Variants in NLRP1 observed in about 807,000 individuals in gnomAD.
NLRP1 encodes NACHT, LRR and PYD domains-containing protein 1.
In NLRP1, 94 loss-of-function variants were observed where a neutral mutation model predicts 136.7. The observed-to-expected ratio is 0.69, with a 90% CI of 0.58 to 0.82. The LOEUF (loss-of-function observed/expected upper bound fraction) is 0.82. NLRP1 is among the 40% of genes least tolerant of loss of function. The pLI, the probability that NLRP1 is intolerant of heterozygous loss-of-function variation, is 0.00. For missense variants in NLRP1, 1,575 were observed against 1,802.7 expected (o/e 0.87, Z 2.29); for synonymous variants, 690 against 725.1 (o/e 0.95, Z 0.78).
chr17:5,560,066 G>T, intron 3 of NLRP1, 23 bp from the exon 4 acceptor site: 1 of 1,526,276 alleles, frequency 6.6e-7, no homozygotes, highest in South Asian at 1.3e-5. Context: ...GGGAAAGAAG[G>T]AACATAAAGG....
Position 5,537,022 on chromosome 17 carries a change from G to A in NLRP1, c.2871-82C>T. The A allele has an allele frequency of 1.0e-6, 1 of 986,534 alleles. No individual in the cohort carries two copies. The highest frequency in any genetic ancestry group is 1.6e-6 in the Non-Finnish European group (1 of 618,148). The allele number at this position is 986,534 out of a possible 1,614,324, so 61.1% of individuals were successfully genotyped here. On this transcript the variant is annotated intron_variant, in intron 7 of 16. Coordinates refer to ENST00000572272, the MANE Select transcript of NLRP1 (RefSeq NM_033004.4). The surrounding 1 kb of genome is among the most constrained non-coding windows in gnomAD (Gnocchi z 4.5). ...CCCAGGGCCCAGAATCCTGGGACCT[G>A]TCACCTTCTGAGGCAGCGGCCGCAG... is the stretch of plus-strand genomic sequence containing the variant.
intron 4 of NLRP1, among the ~76,000 whole-genome samples, chr17:5,557,436 C>T (rs1914218632): frequency 6.6e-6 from 1 of 152,170 alleles, no homozygotes; most frequent in South Asian, 2.1e-4. Flanking sequence ...CGTGTGATCA[C>T]TCCCTTCCTT....
chr17:5,536,665 A>G (rs1306611247), intron 8 of NLRP1, among the ~76,000 whole-genome samples, 186 bp downstream of exon 8: 3 of 151,854 alleles, frequency 2.0e-5, no homozygotes, highest in African/African-American at 2.4e-5. Context: ...TTGTTTGTCT[A>G]ACGTTAAGAG....
At chr17:5,529,994 G>C (rs1910038569) in intron 12 of NLRP1, 1 of 456,632 alleles carries the variant, frequency 2.2e-6, no homozygotes, top group South Asian at 1.5e-5. Context: ...ATCTTCTATG[G>C]GAAGCCCCTG....
intron 8 of NLRP1, among the ~76,000 whole-genome samples, chr17:5,534,655 T>C (rs1208336181): frequency 6.6e-6 from 1 of 152,190 alleles, no homozygotes; most frequent in Non-Finnish European, 1.5e-5. Context: ...CTGAAAGGTC[T>C]CCCTGCTTCT....
rs1911283933 is a variant in NLRP1, at chr17:5,537,807, A to G, written c.2871-867T>C. Among the ~76,000 whole-genome samples, 1 of 152,194 alleles carries G rather than the reference A, an allele frequency of 6.6e-6. No homozygotes were observed. The highest frequency in any genetic ancestry group is 1.5e-5 in the Non-Finnish European group (1 of 68,024). ...CCCTCAGAAGCAGCCCAGGTTTGAC[A>G]GGTAAGTGTTGAGCTGGGGCCTGAA... On this transcript the variant is annotated intron_variant, in intron 7 of 16. Coordinates refer to ENST00000572272, the MANE Select transcript of NLRP1 (RefSeq NM_033004.4). This position sits in a 1 kb window ranked among gnomAD's most constrained non-coding sequence, Gnocchi z 4.5.
chr17:5,513,740 G>C (rs1035027822), downstream of NLRP1, among the ~76,000 whole-genome samples: 1 of 152,112 alleles, frequency 6.6e-6, no homozygotes, highest in African/African-American at 2.4e-5. Flanking sequence ...TCTGAGGTGG[G>C]GATAAGATAG....
At chr17:5,544,342 C>T (rs904614613) in intron 5 of NLRP1, among the ~76,000 whole-genome samples, 1 of 152,154 alleles carries the variant, frequency 6.6e-6, no homozygotes, top group Admixed American at 6.5e-5. Context: ...GGGCAAATCT[C>T]CCCCACCACT....
intron 3 of NLRP1, among the ~76,000 whole-genome samples, chr17:5,571,445 G>GTA (rs929459501): frequency 6.6e-6 from 1 of 152,140 alleles, no homozygotes; most frequent in Non-Finnish European, 1.5e-5. Flanking sequence ...CTATTGGGTA[G>GTA]TAAGTATTAT....
chr17:5,543,289 T>A (rs12946897), intron 5 of NLRP1, among the ~76,000 whole-genome samples: 7,182 of 151,874 alleles, frequency 0.047, 197 homozygotes, highest in Middle Eastern at 0.085. Flanking sequence ...CAAGGCAGGG[T>A]GGAAACGGTG....
rs530348236 is a variant in NLRP1, at chr17:5,562,161, C to G, written c.653-2118G>C. Among the ~76,000 whole-genome samples, 8 of 152,380 alleles carry G rather than the reference C, an allele frequency of 5.3e-5. No individual in the cohort carries two copies. In the South Asian group the frequency reaches 1.0e-3, roughly 20 times the overall value. ...ACACCTGCTAGAGCTTCCAGCCCAG[C>G]AGTCCCGCTACTCTGTGGGTGGGTG... On this transcript the variant is annotated intron_variant, in intron 3 of 16. Transcript: ENST00000572272.
At chr17:5,539,612 G>A in intron 6 of NLRP1, 27 bp from the exon 7 acceptor site, 2 of 1,578,848 alleles carry the variant, frequency 1.3e-6, no homozygotes, top group Non-Finnish European at 1.7e-6. Flanking sequence ...CGCCAGCCCA[G>A]GTCATTGTCC....
At chr17:5,572,711 G>GAAAAAAAAAA (rs35389652) in intron 3 of NLRP1, among the ~76,000 whole-genome samples, 2 of 113,760 alleles carry the variant, frequency 1.8e-5, no homozygotes, top group Non-Finnish European at 1.8e-5. Context: ...CTTTGTCTCA[G>GAAAAAAAAAA]AAAAAAAAAA....
In NLRP1 at chr17:5,541,754, C is replaced by A; in HGVS notation, c.2699+103G>T. ...GCTGAGATCCTGTAGGCTCCTCCCACTCCCACAAAGCAGGTCTCACCTTCT... is the reference window on the plus strand; with the variant it reads ...GCTGAGATCCTGTAGGCTCCTCCCAATCCCACAAAGCAGGTCTCACCTTCT... On this transcript the variant is annotated intron_variant, in intron 6 of 16. Transcript: ENST00000572272. The surrounding 1 kb of genome is among the most constrained non-coding windows in gnomAD (Gnocchi z 4.2). 8.4e-7 allele frequency: 1 copy of A among 1,193,862 alleles called. No individual in the cohort carries two copies. The highest frequency in any genetic ancestry group is 1.3e-5 in the South Asian group (1 of 74,808). The allele number at this position is 1,193,862 out of a possible 1,614,324, so 74.0% of individuals were successfully genotyped here. A position where few individuals can be genotyped will look rare whatever the true frequency, so the allele number is the denominator to read the frequency against.
chr17:5,553,349 C>T, intron 5 of NLRP1, 37 bp downstream of exon 5: 1 of 1,559,738 alleles, frequency 6.4e-7, no homozygotes, highest in South Asian at 1.2e-5. Context: ...ATCTCTTCCC[C>T]ATCCCTGCTT....
intron 4 of NLRP1, among the ~76,000 whole-genome samples, chr17:5,556,672 G>A (rs1052414933): frequency 1.3e-5 from 2 of 151,428 alleles, no homozygotes; most frequent in South Asian, 4.2e-4. Context: ...TCCCAGGCTG[G>A]AGTGAAGTGG....
At chr17:5,530,901 T>C (rs2151755141) in intron 11 of NLRP1, among the ~76,000 whole-genome samples, 197 bp from the exon 12 acceptor site, 1 of 152,334 alleles carries the variant, frequency 6.6e-6, no homozygotes, top group Non-Finnish European at 1.5e-5. Flanking sequence ...TTAACCTTCC[T>C]GTTTTTGGTT....
chr17:5,521,005 T>C lies in NLRP1; in HGVS notation c.3791A>G (p.Asp1264Gly). ...AAACTGGAATTTCATTTCTAGATCA[T>C]CTATGGCCTACAGAACATAGGGAAC... is the stretch of plus-strand genomic sequence containing the variant. ...PSDCSIRKAI[D>G]DLEMKFQFVR... The change falls in exon 14 of 17, where the codon GAT (aspartate) becomes GGT (glycine). Residue 1264 changes from aspartate (D) to glycine (G), a missense_variant. Asp to Gly is a moderately conservative substitution (Grantham distance 94). Coordinates refer to ENST00000572272, the MANE Select transcript of NLRP1 (RefSeq NM_033004.4). 6.2e-7 allele frequency: 1 copy of C among 1,607,866 alleles called. No homozygotes were observed. The highest frequency in any genetic ancestry group is 8.5e-7 in the Non-Finnish European group (1 of 1,176,670).
intron 11 of NLRP1, among the ~76,000 whole-genome samples, chr17:5,531,744 A>C (rs1488082431): frequency 6.6e-6 from 1 of 152,180 alleles, no homozygotes; most frequent in East Asian, 1.9e-4. Context: ...GAGTATGACT[A>C]TAGAGAATTA....
Sources: allele counts gnomAD v4.1 joint callset (sites outside exome capture counted in the v4.1 genomes callset), GRCh38; gene constraint gnomAD v4.1.1; non-coding constraint Gnocchi (gnomAD v3.1); transcripts MANE v1.5; gene names NCBI Gene and HGNC (gene_info 2026-07-23, HGNC 2026-07-21).